ASXL2: variants seen among roughly 807,000 people sequenced by gnomAD.
ASXL2 encodes the protein putative Polycomb group protein ASXL2.
ASXL2 carries 23 observed loss-of-function variants against 122.0 expected under a neutral mutation model. The ratio of observed to expected loss-of-function variants is 0.19; its 90% CI spans 0.14 to 0.27. The LOEUF is 0.27. ASXL2 is among the 10% of genes least tolerant of loss of function. ASXL2 has a pLI of 1.00. For synonymous variants in ASXL2, 650 were observed against 637.0 expected (o/e 1.02, Z -0.31); for missense variants, 1,518 against 1,713.8 (o/e 0.89, Z 2.02).
chr2:25,767,405 C>T lies in ASXL2; in HGVS notation c.775+178G>A, dbSNP rs185934342. Among the ~76,000 whole-genome samples the T allele has an allele frequency of 3.9e-4, 59 of 152,318 alleles. No homozygotes were observed. The East Asian group carries it at 6.4e-3, about 16-fold the overall frequency. On this transcript the variant is annotated intron_variant, in intron 8 of 12. Coordinates refer to ENST00000435504, the MANE Select transcript of ASXL2 (RefSeq NM_018263.6). ...AAGACATACTAAATCAATTCCGTTC[C>T]TGTTACTTTTCATTTCTTAACAGTA...
In ASXL2 at chr2:25,777,486, T is replaced by A. The variant is rs551688860; in HGVS notation, c.404-5946A>T. On this transcript the variant is annotated intron_variant, in intron 5 of 12. Transcript: ENST00000435504. Reference sequence around the variant, plus strand: ...GAAACCCTGTCTCTAGAAAAAAAAATTTTTTAATTAGCTGGACATGGTGGC... The same window carrying A: ...GAAACCCTGTCTCTAGAAAAAAAAAATTTTTAATTAGCTGGACATGGTGGC... Among the ~76,000 whole-genome samples the A allele has an allele frequency of 3.7e-4, 56 of 151,734 alleles. 1 individual carries two copies. Among genetic ancestry groups the A allele is most frequent in the South Asian group, 6.3e-4 (3 of 4,792 alleles).
chr2:25,788,815 A>G (rs973285439), intron 5 of ASXL2, among the ~76,000 whole-genome samples: 4 of 151,806 alleles, frequency 2.6e-5, no homozygotes, highest in African/African-American at 7.3e-5. Context: ...TTCCTCATAT[A>G]TTCCTTTGTT....
Position 25,743,554 on chromosome 2 carries a change from G to T in ASXL2, c.2783C>A (p.Thr928Asn), listed in dbSNP as rs755166938. The change falls in exon 13 of 13, where the codon ACC (threonine) becomes AAC (asparagine). Residue 928 changes from threonine (T) to asparagine (N), a missense_variant. Physicochemically the swap from Thr to Asn is moderately conservative, Grantham distance 65. Transcript: ENST00000435504. ...ATTCATGTTTAAAGAAGTTCCTGGG[G>T]TTTTAAGGCTAGAAGCTGCTGGCAA... Reference protein sequence around the residue: ...STLPAASSLKTPGTSLNMNGP... With the variant: ...STLPAASSLKNPGTSLNMNGP... The T allele has an allele frequency of 1.2e-6, 2 of 1,613,996 alleles. No homozygotes were observed. Among genetic ancestry groups the T allele is most frequent in the Admixed American group, 3.3e-5 (2 of 60,018 alleles).
rs1182809842 is a variant in ASXL2, at chr2:25,743,512, G to A, written c.2825C>T (p.Pro942Leu). ...SLNMNGPTLR[P>L]TSSIPANNPL... ...ATTATTAGCAGGGATACTAGAGGTT[G>A]GTCTTAAAGTGGGTCCATTCATGTT... Residue 942 changes from proline (P) to leucine (L), a missense_variant, in exon 13 of 13, where the codon CCA becomes CTA. By Grantham distance (98) the Pro-to-Leu change is moderately conservative. This residue lies in a region of ASXL2 where 831 missense variants were observed against 833.1 expected (regional missense o/e 1.00). Coordinates refer to ENST00000435504, the MANE Select transcript of ASXL2 (RefSeq NM_018263.6). 6.2e-7 allele frequency: 1 copy of A among 1,613,844 alleles called. No homozygotes were observed. The highest frequency in any genetic ancestry group is 8.5e-7 in the Non-Finnish European group (1 of 1,179,894).
chr2:25,765,582 TCTG>T lies in ASXL2; in HGVS notation c.775+1998_775+2000del, dbSNP rs555268338. 2.0e-4 allele frequency among the ~76,000 whole-genome samples: 30 copies of T among 152,358 alleles called. No individual in the cohort carries two copies. The East Asian group carries it at 4.6e-3, about 23-fold the overall frequency. ...TCATTTGCTTGAAAGAAGATGGACTTCTGCTTACTTCTCAGCCATTAGGTCAAA... is the reference window on the plus strand; with the variant it reads ...TCATTTGCTTGAAAGAAGATGGACTTCTTACTTCTCAGCCATTAGGTCAAA... On this transcript the variant is annotated intron_variant, in intron 8 of 12. Coordinates refer to ENST00000435504, the MANE Select transcript of ASXL2 (RefSeq NM_018263.6).
At chr2:25,818,665 G>A (rs1263823102) in intron 3 of ASXL2, among the ~76,000 whole-genome samples, 2 of 152,134 alleles carry the variant, frequency 1.3e-5, no homozygotes, top group Non-Finnish European at 2.9e-5. Flanking sequence ...ACAAATCAAC[G>A]AGTGGGGGAG....
intron 5 of ASXL2, among the ~76,000 whole-genome samples, chr2:25,776,809 A>G (rs926531117): frequency 6.6e-6 from 1 of 152,232 alleles, no homozygotes; most frequent in Admixed American, 6.5e-5. Flanking sequence ...TTACAAACAG[A>G]AAACAAAAAG....
intron 5 of ASXL2, among the ~76,000 whole-genome samples, chr2:25,784,098 T>C (rs1213742385): frequency 7.3e-6 from 1 of 137,060 alleles, no homozygotes; most frequent in Non-Finnish European, 1.6e-5. Context: ...AATAAATAAA[T>C]ATAAAGTTAG....
intron 1 of ASXL2, among the ~76,000 whole-genome samples, chr2:25,872,829 A>G (rs1489324964): frequency 6.6e-6 from 1 of 152,176 alleles, no homozygotes; most frequent in Non-Finnish European, 1.5e-5. Flanking sequence ...AGACAAAACT[A>G]TCAAGGAATT....
chr2:25,758,678 TTG>T (rs967327585), intron 9 of ASXL2, among the ~76,000 whole-genome samples: 5 of 138,858 alleles, frequency 3.6e-5, no homozygotes, highest in Admixed American at 7.0e-5. Context: ...TTTGCTACTT[TTG>T]TTTTTTTTTT....
rs1446116562 is a variant in ASXL2 at position 25,809,984 on chromosome 2, C to T, written c.144-3647G>A. 9 of 531,286 alleles carry T rather than the reference C, an allele frequency of 1.7e-5. No homozygotes were observed. The African/African-American group carries it at 1.7e-4, about 10-fold the overall frequency. 32.9% of individuals were successfully genotyped at this position (531,286 alleles called of 1,614,324 possible). A position where few individuals can be genotyped will look rare whatever the true frequency, so the allele number is the denominator to read the frequency against. ...AGCATCCTTTGTACAGAGTGCCCCT[C>T]TTTGGTACATTTTCAGTTTATCTTC... On this transcript the variant is annotated intron_variant, in intron 3 of 12. Coordinates refer to ENST00000435504, the MANE Select transcript of ASXL2 (RefSeq NM_018263.6).
At position 25,740,231 on chromosome 2, in the gene ASXL2, G is replaced by A. The variant is rs1331080824; in HGVS notation, c.*1798C>T. 2 of 220,578 alleles carry A rather than the reference G, an allele frequency of 9.1e-6. No homozygotes were observed. Among genetic ancestry groups the A allele is most frequent in the African/African-American group, 4.5e-5 (2 of 44,592 alleles). 13.7% of individuals were successfully genotyped at this position (220,578 alleles called of 1,614,324 possible). Reference sequence around the variant, plus strand: ...AGTGAAGTGAGTTTCTTACGGAGAGGAGCGGAGCAGGGGCTGTGGGAAAGC... The same window carrying A: ...AGTGAAGTGAGTTTCTTACGGAGAGAAGCGGAGCAGGGGCTGTGGGAAAGC... On this transcript the variant is annotated 3_prime_UTR_variant, in exon 13 of 13. Transcript: ENST00000435504.
chr2:25,767,544 C>G, intron 8 of ASXL2, 39 bp downstream of exon 8: 1 of 1,592,116 alleles, frequency 6.3e-7, no homozygotes, highest in Middle Eastern at 1.7e-4. Flanking sequence ...GCTGATAAAT[C>G]ATGGCAATGA....
At chr2:25,845,259 G>A (rs781705180) in intron 2 of ASXL2, 1 of 652,318 alleles carries the variant, frequency 1.5e-6, no homozygotes, top group Non-Finnish European at 2.7e-6. Context: ...TGGGCTTAAA[G>A]ATAGCTACCC....
chr2:25,738,106 A>G lies in ASXL2; in HGVS notation c.*3923T>C, dbSNP rs2087766118. On this transcript the variant is annotated 3_prime_UTR_variant, in exon 13 of 13. Coordinates refer to ENST00000435504, the MANE Select transcript of ASXL2 (RefSeq NM_018263.6). Reference sequence around the variant, plus strand: ...CCTTTGAAATAATTTGTGCCTTAACAGTGAGGTCCTACATCAAACATACCA... The same window carrying G: ...CCTTTGAAATAATTTGTGCCTTAACGGTGAGGTCCTACATCAAACATACCA... 1 of 152,232 alleles carries G rather than the reference A, an allele frequency of 6.6e-6. No homozygotes were observed. Among genetic ancestry groups the G allele is most frequent in the African/African-American group, 2.4e-5 (1 of 41,468 alleles). 9.4% of individuals were successfully genotyped at this position (152,232 alleles called of 1,614,324 possible).
In ASXL2 at chr2:25,812,731, T is replaced by A. The variant is rs140920221; in HGVS notation, c.144-6394A>T. Among the ~76,000 whole-genome samples the A allele has an allele frequency of 5.3e-5, 8 of 152,282 alleles. No homozygotes were observed. The East Asian group carries it at 1.5e-3, about 29-fold the overall frequency. On this transcript the variant is annotated intron_variant, in intron 3 of 12. Coordinates refer to ENST00000435504, the MANE Select transcript of ASXL2 (RefSeq NM_018263.6). ...AAATGTGCAAGGATTTACTCCATCA[T>A]TGAAAGCATCAAAGCACTGAAAAAT... is the stretch of plus-strand genomic sequence containing the variant.
At chr2:25,861,211 A>G (rs2089840169) in intron 1 of ASXL2, among the ~76,000 whole-genome samples, 5 of 152,238 alleles carry the variant, frequency 3.3e-5, no homozygotes, top group Admixed American at 2.6e-4. Context: ...AATAAAATCA[A>G]TAAGCCTCTA....
rs545925320 is a variant in ASXL2 at position 25,826,226 on chromosome 2, T to G, written c.143+9312A>C. 7.9e-5 allele frequency among the ~76,000 whole-genome samples: 12 copies of G among 152,180 alleles called. No homozygotes were observed. The South Asian group carries it at 2.5e-3, about 32-fold the overall frequency. On this transcript the variant is annotated intron_variant, in intron 3 of 12. Coordinates refer to ENST00000435504, the MANE Select transcript of ASXL2 (RefSeq NM_018263.6). ...GCAATGTTTGAATTTTGAAACTGAT[T>G]TTGCAACAAATTATCTTTGAAAGTG...
intron 3 of ASXL2, among the ~76,000 whole-genome samples, chr2:25,832,188 T>C (rs1207545987): frequency 1.3e-5 from 2 of 152,156 alleles, no homozygotes; most frequent in East Asian, 3.9e-4. Flanking sequence ...ATTTTATAAA[T>C]CACATTTCAT....
Sources: gnomAD v4.1 joint callset for allele counts (sites outside exome capture counted in the v4.1 genomes callset) on GRCh38, gnomAD v4.1.1 for gene constraint, gnomAD v4.1.1 regional missense constraint, MANE v1.5 for transcripts, NCBI Gene and HGNC (gene_info 2026-07-23, HGNC 2026-07-21) for gene names.